Variants in DYNC2H1 observed in about 807,000 individuals in gnomAD.
DYNC2H1 encodes the protein cytoplasmic dynein 2 heavy chain 1.
In DYNC2H1, 410 loss-of-function variants were observed where a neutral mutation model predicts 570.0. The observed-to-expected ratio is 0.72, with a 90% confidence interval of 0.66 to 0.78. The LOEUF (loss-of-function observed/expected upper bound fraction) is 0.78, where lower values mean the gene tolerates loss of function less well. DYNC2H1 is among the 30% of genes least tolerant of loss of function. The pLI, the probability that DYNC2H1 is intolerant of heterozygous loss-of-function variation, is 0.00. For synonymous variants in DYNC2H1, 1,688 were observed against 1,677.6 expected (o/e 1.01, Z -0.15); for missense variants, 4,865 against 5,046.4 (o/e 0.96, Z 1.09).
Position 103,411,872 on chromosome 11 carries a change from A to G in DYNC2H1, c.12366+12000A>G, listed in dbSNP as rs560633467. Reference sequence around the variant, plus strand: ...ATTAAGAAATGCAGCCTCAGAAAATATCACTATTTTTGAAATATTTGTATT... The same window carrying G: ...ATTAAGAAATGCAGCCTCAGAAAATGTCACTATTTTTGAAATATTTGTATT... On this transcript the variant is annotated intron_variant, in intron 84 of 88. Coordinates refer to ENST00000375735, the MANE Select transcript of DYNC2H1 (RefSeq NM_001377.3). Among the ~76,000 whole-genome samples the G allele has an allele frequency of 2.0e-5, 3 of 152,250 alleles. No individual in the cohort carries two copies. The East Asian group carries it at 5.8e-4, about 29-fold the overall frequency.
intron 25 of DYNC2H1, among the ~76,000 whole-genome samples, chr11:103,156,058 CT>C (rs1394630810): frequency 1.3e-5 from 2 of 152,064 alleles, no homozygotes. Context: ...GCCTTTTGGT[CT>C]GTAAAACTTT....
intron 59 of DYNC2H1, among the ~76,000 whole-genome samples, chr11:103,226,836 A>G (rs1863818368): frequency 1.3e-5 from 2 of 150,366 alleles, no homozygotes; most frequent in East Asian, 1.9e-4. Flanking sequence ...GAATCCATCA[A>G]GATTTTAAAA....
chr11:103,340,999 A>G (rs746796710), intron 82 of DYNC2H1, among the ~76,000 whole-genome samples: 4 of 152,160 alleles, frequency 2.6e-5, no homozygotes, highest in Non-Finnish European at 5.9e-5. Context: ...TATAAAATCA[A>G]TGAGGAACAC....
At chr11:103,220,160 CT>C (rs1197128638) in intron 56 of DYNC2H1, 132 bp downstream of exon 56, 1 of 451,432 alleles carries the variant, frequency 2.2e-6, no homozygotes, top group Non-Finnish European at 3.8e-6. Flanking sequence ...CAAAATGTTA[CT>C]TGTAAAAGAG....
At chr11:103,367,186 G>A (rs1413282560) in intron 83 of DYNC2H1, among the ~76,000 whole-genome samples, 1 of 152,104 alleles carries the variant, frequency 6.6e-6, no homozygotes, top group Non-Finnish European at 1.5e-5. Context: ...ATTTGTATGT[G>A]TCTGAGTGTG....
chr11:103,129,145 C>A lies in DYNC2H1; in HGVS notation c.1953+140C>A. The A allele has an allele frequency of 1.6e-6, 1 of 628,454 alleles. No individual in the cohort carries two copies. The highest frequency in any genetic ancestry group is 2.6e-6 in the Non-Finnish European group (1 of 383,776). 38.9% of individuals were successfully genotyped at this position (628,454 alleles called of 1,614,324 possible). ...TTCCAGGGACTTCCTTCAATCTTAG[C>A]AAGTAAAATTATTTTTTCTAACTGT... On this transcript the variant is annotated intron_variant, in intron 13 of 88. Coordinates refer to ENST00000375735, the MANE Select transcript of DYNC2H1 (RefSeq NM_001377.3). The surrounding 1 kb of genome is among the most constrained non-coding windows in gnomAD (Gnocchi z 4.1).
intron 75 of DYNC2H1, among the ~76,000 whole-genome samples, chr11:103,290,585 G>T (rs552628322): frequency 6.6e-6 from 1 of 152,050 alleles, no homozygotes; most frequent in Admixed American, 6.6e-5. Flanking sequence ...CTGGCCTTTG[G>T]GTTAACTGGA....
Position 103,399,867 on chromosome 11 carries a change from CA to C in DYNC2H1, c.12365del (p.Lys4122SerfsTer20). 1 of 1,612,592 alleles carries C rather than the reference CA, an allele frequency of 6.2e-7. No homozygotes were observed. On this transcript the variant is annotated frameshift_variant, in exon 84 of 89. Coordinates refer to ENST00000375735, the MANE Select transcript of DYNC2H1 (RefSeq NM_001377.3). LOFTEE classifies it high-confidence loss of function. ...VQKLASALLN[Q>X]KCPLAWQSKW... ...AAAATTGGCAAGTGCTTTATTAAAC[CA>C]AAAGGTAAGCGAGTACTAACTGTAT...
chr11:103,109,546 C>A lies in DYNC2H1; in HGVS notation c.-29C>A. Reference sequence around the variant, plus strand: ...ACTGGTTTCTTCTTCCTTCCCCCTTCCCCCAACTTCCCTCCACCCCTTCCA... The same window carrying A: ...ACTGGTTTCTTCTTCCTTCCCCCTTACCCCAACTTCCCTCCACCCCTTCCA... On this transcript the variant is annotated 5_prime_UTR_variant, in exon 1 of 89. Transcript: ENST00000375735. 1 of 1,604,310 alleles carries A rather than the reference C, an allele frequency of 6.2e-7. No individual in the cohort carries two copies. The highest frequency in any genetic ancestry group is 1.3e-5 in the African/African-American group (1 of 74,882).
At chr11:103,471,578 A>T (rs1945388234) in intron 88 of DYNC2H1, among the ~76,000 whole-genome samples, 1 of 152,252 alleles carries the variant, frequency 6.6e-6, no homozygotes, top group Admixed American at 6.5e-5. Flanking sequence ...AGTGCTTCAT[A>T]CATGGTAAGT....
chr11:103,280,136 A>G lies in DYNC2H1; in HGVS notation c.10696-212A>G, dbSNP rs1866071685. 6.6e-6 allele frequency among the ~76,000 whole-genome samples: 1 copy of G among 152,136 alleles called. No individual in the cohort carries two copies. Among genetic ancestry groups the G allele is most frequent in the South Asian group, 2.1e-4 (1 of 4,834 alleles). On this transcript the variant is annotated intron_variant, in intron 70 of 88. Transcript: ENST00000375735. This position sits in a 1 kb window ranked among gnomAD's most constrained non-coding sequence, Gnocchi z 4.7. ...TGCATAATTGTTAGTGCTTTCTCCA[A>G]AAATGTGATCACTTACTTACTCTGA...
At chr11:103,120,642 CAG>C in intron 7 of DYNC2H1, 45 bp from the exon 8 acceptor site, 1 of 1,594,844 alleles carries the variant, frequency 6.3e-7, no homozygotes, top group Non-Finnish European at 8.5e-7. Context: ...TTTTTAAAGA[CAG>C]ATTTAAAAAA....
intron 1 of DYNC2H1, among the ~76,000 whole-genome samples, chr11:103,111,498 C>A (rs1318377006): frequency 6.6e-6 from 1 of 152,128 alleles, no homozygotes; most frequent in African/African-American, 2.4e-5. Flanking sequence ...CAGGATAGAG[C>A]CCCCTGCTTT....
intron 18 of DYNC2H1, among the ~76,000 whole-genome samples, chr11:103,146,290 C>T (rs935959985): frequency 6.6e-6 from 1 of 152,116 alleles, no homozygotes; most frequent in Non-Finnish European, 1.5e-5. Flanking sequence ...TCCGAATAAC[C>T]TTTTTGACCA....
At chr11:103,388,436 A>G (rs1941985763) in intron 83 of DYNC2H1, among the ~76,000 whole-genome samples, 1 of 152,250 alleles carries the variant, frequency 6.6e-6, no homozygotes, top group African/African-American at 2.4e-5. Flanking sequence ...ATATACAATC[A>G]TGTCATCTGC....
At position 103,162,896 on chromosome 11, in the gene DYNC2H1, G is replaced by A. The variant is rs1445794204; in HGVS notation, c.4492-132G>A. The A allele has an allele frequency of 1.1e-5, 7 of 647,062 alleles. No individual in the cohort carries two copies. The East Asian group carries it at 2.3e-4, about 21-fold the overall frequency. The allele number at this position is 647,062 out of a possible 1,614,324, so 40.1% of individuals were successfully genotyped here. A position where few individuals can be genotyped will look rare whatever the true frequency, so the allele number is the denominator to read the frequency against. On this transcript the variant is annotated intron_variant, in intron 29 of 88. Coordinates refer to ENST00000375735, the MANE Select transcript of DYNC2H1 (RefSeq NM_001377.3). Reference sequence around the variant, plus strand: ...CATTTTAGGAGTGTAATGATCAATAGGAAAGTATAATACCCCGTCTTGAAA... The same window carrying A: ...CATTTTAGGAGTGTAATGATCAATAAGAAAGTATAATACCCCGTCTTGAAA...
intron 82 of DYNC2H1, among the ~76,000 whole-genome samples, chr11:103,327,819 T>C (rs1938574509): frequency 6.6e-6 from 1 of 152,164 alleles, no homozygotes; most frequent in African/African-American, 2.4e-5. Flanking sequence ...TAGCCTTAGT[T>C]TCCCACCAAT....
chr11:103,413,843 T>C (rs1323055005), intron 84 of DYNC2H1, among the ~76,000 whole-genome samples: 1 of 152,212 alleles, frequency 6.6e-6, no homozygotes, highest in Non-Finnish European at 1.5e-5. Flanking sequence ...TTCCTTTATA[T>C]CCCTAACTTA....
At position 103,113,774 on chromosome 11, in the gene DYNC2H1, ATATC is replaced by A. The variant is rs1445157299; in HGVS notation, c.366+71_366+74del. On this transcript the variant is annotated intron_variant, in intron 2 of 88. Coordinates refer to ENST00000375735, the MANE Select transcript of DYNC2H1 (RefSeq NM_001377.3). ...GATAAATGTTTTCATATAAACATAA[ATATC>A]TATTTTTTACTGTTAATGTTAGTAG... The A allele has an allele frequency of 3.0e-5, 38 of 1,252,840 alleles. No individual in the cohort carries two copies. In the African/African-American group the frequency reaches 5.4e-4, roughly 18 times the overall value. The allele number at this position is 1,252,840 out of a possible 1,614,324, so 77.6% of individuals were successfully genotyped here.
Sources: allele counts gnomAD v4.1 joint callset (sites outside exome capture counted in the v4.1 genomes callset), GRCh38; gene constraint gnomAD v4.1.1; non-coding constraint Gnocchi (gnomAD v3.1); transcripts MANE v1.5; gene names NCBI Gene and HGNC (gene_info 2026-07-23, HGNC 2026-07-21).